The following GRIP1 variants were observed in gnomAD, a reference collection of about 807,000 sequenced individuals.
GRIP1 encodes the protein glutamate receptor interacting protein 1, also known as glutamate receptor-interacting protein 1.
GRIP1 carries 45 observed loss-of-function variants against 129.9 expected under a neutral mutation model. The ratio of observed to expected loss-of-function variants is 0.35; its 90% confidence interval spans 0.27 to 0.44. GRIP1 has a LOEUF of 0.44. Ranked by LOEUF, GRIP1 falls within the 20% of genes least tolerant of loss-of-function variation. The pLI is 1.00. For synonymous variants in GRIP1, 530 were observed against 520.8 expected (o/e 1.02, Z -0.24); for missense variants, 1,196 against 1,396.8 (o/e 0.86, Z 2.29).
intron 1 of GRIP1, among the ~76,000 whole-genome samples, chr12:66,785,335 C>CATATATAT (rs1448856691): frequency 2.4e-3 from 66 of 27,788 alleles, no homozygotes; most frequent in African/African-American, 4.9e-3. Context: ...TACATACATA[C>CATATATAT]ATACATACAT....
intron 2 of GRIP1, chr12:66,568,198 T>A: frequency 5.0e-6 from 1 of 200,622 alleles, no homozygotes; most frequent in Admixed American, 5.3e-5. Flanking sequence ...GTAATATCCA[T>A]TGACACTGAA....
intron 11 of GRIP1, among the ~76,000 whole-genome samples, chr12:66,450,755 G>A (rs1366534991): frequency 1.3e-5 from 2 of 152,028 alleles, no homozygotes; most frequent in Admixed American, 1.3e-4. Context: ...GTATTGATTA[G>A]TTACACATAT....
chr12:66,389,358 G>A (rs907138574), intron 19 of GRIP1, among the ~76,000 whole-genome samples: 1 of 152,142 alleles, frequency 6.6e-6, no homozygotes, highest in Non-Finnish European at 1.5e-5. Context: ...CTCCCGAGTA[G>A]CTGGGATTAC....
chr12:66,574,790 T>TTTTTTTTTTTTTC (rs55885862), intron 2 of GRIP1, among the ~76,000 whole-genome samples: 3 of 142,068 alleles, frequency 2.1e-5, no homozygotes, highest in Middle Eastern at 3.3e-3. Context: ...CACTTTTCTT[T>TTTTTTTTTTTTTC]TTTTTTTTTT....
chr12:67,005,916 A>G (rs1415244605), intron 1 of GRIP1, among the ~76,000 whole-genome samples: 1 of 152,034 alleles, frequency 6.6e-6, no homozygotes, highest in Non-Finnish European at 1.5e-5. Context: ...TTTAAATAAG[A>G]CTCTTTGACC....
At chr12:66,697,528 T>C (rs1429126489) in intron 1 of GRIP1, among the ~76,000 whole-genome samples, 2 of 152,152 alleles carry the variant, frequency 1.3e-5, no homozygotes, top group South Asian at 2.1e-4. Context: ...ACAACACAAA[T>C]GCACCTGGCC....
At chr12:66,966,616 T>C (rs569155840) in intron 1 of GRIP1, among the ~76,000 whole-genome samples, 18 of 152,340 alleles carry the variant, frequency 1.2e-4, no homozygotes, top group African/African-American at 4.1e-4. Flanking sequence ...TAACAATTTC[T>C]GAGATTTCCG....
Position 66,621,264 on chromosome 12 carries a change from C to T in GRIP1, c.56-24337G>A, listed in dbSNP as rs1592660144. 2.0e-5 allele frequency among the ~76,000 whole-genome samples: 3 copies of T among 152,168 alleles called. No homozygotes were observed. In the South Asian group the frequency reaches 6.2e-4, roughly 32 times the overall value. On this transcript the variant is annotated intron_variant, in intron 1 of 24. Coordinates refer to ENST00000359742, the MANE Select transcript of GRIP1 (RefSeq NM_001366722.1). ...TTGTACTAATTAAACAATAACTTCC[C>T]ATTGTCCCCCCACAGTTCCTGGTAA...
At chr12:67,047,730 T>G (rs1328038728) in intron 1 of GRIP1, among the ~76,000 whole-genome samples, 1 of 152,220 alleles carries the variant, frequency 6.6e-6, no homozygotes, top group Non-Finnish European at 1.5e-5. Flanking sequence ...CAATGCCATA[T>G]TCTATCTTTG....
At chr12:66,624,778 T>C (rs1042304045) in intron 1 of GRIP1, among the ~76,000 whole-genome samples, 3 of 152,196 alleles carry the variant, frequency 2.0e-5, no homozygotes, top group Non-Finnish European at 2.9e-5. Flanking sequence ...CATTTTTCTA[T>C]CAGGATTTTC....
intron 1 of GRIP1, among the ~76,000 whole-genome samples, chr12:66,602,613 G>C (rs1480935940): frequency 6.6e-6 from 1 of 152,066 alleles, no homozygotes; most frequent in Non-Finnish European, 1.5e-5. Context: ...GTTTACACCA[G>C]AAGATTAGGG....
intron 23 of GRIP1, among the ~76,000 whole-genome samples, chr12:66,365,108 A>G (rs1167362239): frequency 6.6e-6 from 1 of 152,220 alleles, no homozygotes; most frequent in Non-Finnish European, 1.5e-5. Context: ...TATAATTATT[A>G]TGTGACTATT....
At chr12:66,739,749 A>T (rs1031929579) in intron 1 of GRIP1, among the ~76,000 whole-genome samples, 39 of 124,966 alleles carry the variant, frequency 3.1e-4, no homozygotes, top group South Asian at 8.4e-4. Flanking sequence ...AAAATAAAAT[A>T]AAAAAAAAAA....
intron 7 of GRIP1, among the ~76,000 whole-genome samples, chr12:66,479,856 A>G (rs2059746994): frequency 6.6e-6 from 1 of 152,178 alleles, no homozygotes; most frequent in South Asian, 2.1e-4. Context: ...AAGGCCTTCA[A>G]TAAAATTCAA....
At chr12:67,057,538 A>C (rs2043458906) in intron 1 of GRIP1, among the ~76,000 whole-genome samples, 1 of 151,860 alleles carries the variant, frequency 6.6e-6, no homozygotes, top group Admixed American at 6.6e-5. Context: ...TTCCAGTATG[A>C]TCATTAGGGT....
upstream of GRIP1, among the ~76,000 whole-genome samples, chr12:66,808,643 A>G (rs1219439591): frequency 6.6e-6 from 1 of 151,958 alleles, no homozygotes; most frequent in East Asian, 1.9e-4. Context: ...AAGTCAAGAG[A>G]TTTCATAAAT....
At chr12:66,927,787 C>A (rs1385196746) in intron 1 of GRIP1, among the ~76,000 whole-genome samples, 1 of 152,226 alleles carries the variant, frequency 6.6e-6, no homozygotes, top group Non-Finnish European at 1.5e-5. Context: ...TCAGGGGGAA[C>A]AATCCTATTC....
At chr12:66,902,599 G>A (rs557065906) in intron 1 of GRIP1, among the ~76,000 whole-genome samples, 1 of 152,298 alleles carries the variant, frequency 6.6e-6, no homozygotes, top group South Asian at 2.1e-4. Context: ...CAAAGTTGAG[G>A]TTACCAAGTA....
intron 1 of GRIP1, among the ~76,000 whole-genome samples, chr12:66,720,896 A>G (rs79065289): frequency 1.3e-5 from 2 of 152,216 alleles, no homozygotes; most frequent in African/African-American, 4.8e-5. Flanking sequence ...TGACCACCTC[A>G]TATGAATCAC....
Sources: allele counts gnomAD v4.1 joint callset (sites outside exome capture counted in the v4.1 genomes callset), GRCh38; gene constraint gnomAD v4.1.1; transcripts MANE v1.5; gene names NCBI Gene and HGNC (gene_info 2026-07-23, HGNC 2026-07-21).